CIMAP3: variants seen among roughly 807,000 people sequenced by gnomAD.
CIMAP3 encodes ciliary microtubule-associated protein 3.
At chr1:111,324,897 T>A in the CIMAP3 span, 8 of 980,472 alleles carry the variant, frequency 8.2e-6, no homozygotes, top group Non-Finnish European at 9.7e-6. Flanking sequence ...ATGGTAATCA[T>A]GTTCTTGGAC....
chr1:111,348,526 C>T, the CIMAP3 span: 3 of 1,603,582 alleles, frequency 1.9e-6, no homozygotes, highest in Non-Finnish European at 2.5e-6. Context: ...GAAATGACAC[C>T]TCATGCAGGC....
chr1:111,335,977 C>T, the CIMAP3 span, among the ~76,000 whole-genome samples: 1,942 of 152,320 alleles, frequency 0.013, 31 homozygotes, highest in African/African-American at 0.044. Context: ...GACACTTACA[C>T]GGCCGGGTAC....
At chr1:111,333,616 A>G in the CIMAP3 span, among the ~76,000 whole-genome samples, 1 of 152,152 alleles carries the variant, frequency 6.6e-6, no homozygotes, top group Non-Finnish European at 1.5e-5. Flanking sequence ...TCCCCACAAT[A>G]GGAAGTCCCT....
chr1:111,329,912 G>T, the CIMAP3 span, among the ~76,000 whole-genome samples: 1 of 151,626 alleles, frequency 6.6e-6, no homozygotes, highest in Middle Eastern at 3.4e-3. Flanking sequence ...CTTTATTTTT[G>T]TCTGACTGTC....
chr1:111,348,493 AATG>A, the CIMAP3 span: 1 of 1,582,360 alleles, frequency 6.3e-7, no homozygotes, highest in Non-Finnish European at 8.6e-7. Context: ...TCTGTAACAT[AATG>A]ATCTTTTTCT....
chr1:111,326,918 G>A, the CIMAP3 span, among the ~76,000 whole-genome samples: 1 of 151,960 alleles, frequency 6.6e-6, no homozygotes, highest in African/African-American at 2.4e-5. Flanking sequence ...CATGCCTTTT[G>A]TCCAATTTTT....
At chr1:111,326,329 A>T in the CIMAP3 span, among the ~76,000 whole-genome samples, 3 of 152,084 alleles carry the variant, frequency 2.0e-5, no homozygotes, top group African/African-American at 7.2e-5. Flanking sequence ...AGCCTCTAGT[A>T]TCTACCATTC....
the CIMAP3 span, chr1:111,351,468 G>C: frequency 1.6e-6 from 1 of 624,110 alleles, no homozygotes; most frequent in Non-Finnish European, 2.7e-6. Flanking sequence ...GCTTATAGCT[G>C]CTGTATGAGA....
chr1:111,329,554 T>TATATATAC, the CIMAP3 span, among the ~76,000 whole-genome samples: 1 of 117,374 alleles, frequency 8.5e-6, no homozygotes, highest in East Asian at 2.3e-4. Context: ...TATATATATA[T>TATATATAC]ATATAATTTT....
chr1:111,325,997 A>G, the CIMAP3 span, among the ~76,000 whole-genome samples: 1 of 152,176 alleles, frequency 6.6e-6, no homozygotes, highest in African/African-American at 2.4e-5. Context: ...TGAAAAGAGG[A>G]AGAGAGTGTA....
chr1:111,350,654 T>C, the CIMAP3 span, among the ~76,000 whole-genome samples: 13 of 152,194 alleles, frequency 8.5e-5, no homozygotes, highest in Non-Finnish European at 1.3e-4. Flanking sequence ...GCATGGATTA[T>C]GGGGACAAAA....
the CIMAP3 span, among the ~76,000 whole-genome samples, chr1:111,348,000 A>C: frequency 6.6e-6 from 1 of 152,232 alleles, no homozygotes; most frequent in East Asian, 1.9e-4. Context: ...TTTACTGAAG[A>C]AATGGTCCCA....
the CIMAP3 span, chr1:111,347,916 G>A: frequency 3.3e-6 from 2 of 613,240 alleles, no homozygotes; most frequent in Non-Finnish European, 5.8e-6. Context: ...AAGCTATTAA[G>A]AAGCCTATCT....
chr1:111,332,165 T>C, the CIMAP3 span, among the ~76,000 whole-genome samples: 1 of 152,214 alleles, frequency 6.6e-6, no homozygotes, highest in Non-Finnish European at 1.5e-5. Flanking sequence ...GCTAGTAGAA[T>C]GGGCATGTGG....
chr1:111,351,115 A>C, the CIMAP3 span: 1 of 693,826 alleles, frequency 1.4e-6, no homozygotes, highest in Non-Finnish European at 2.4e-6. Context: ...TTTTGGGAGA[A>C]TCACTAAGGC....
At chr1:111,346,207 A>G in the CIMAP3 span, 1 of 157,208 alleles carries the variant, frequency 6.4e-6, no homozygotes, top group South Asian at 1.9e-4. Flanking sequence ...TGTCAGCTCA[A>G]CTCCGCCCCC....
the CIMAP3 span, chr1:111,352,169 G>A: frequency 6.6e-6 from 1 of 152,366 alleles, no homozygotes; most frequent in East Asian, 1.9e-4. Flanking sequence ...AGACACTCAG[G>A]CCTGAGAGAT....
At chr1:111,346,033 A>C in the CIMAP3 span, among the ~76,000 whole-genome samples, 1 of 151,900 alleles carries the variant, frequency 6.6e-6, no homozygotes, top group Non-Finnish European at 1.5e-5. Flanking sequence ...AAACTATTAG[A>C]GTCTTCTCTG....
At chr1:111,335,132 A>G in the CIMAP3 span, among the ~76,000 whole-genome samples, 1 of 135,046 alleles carries the variant, frequency 7.4e-6, no homozygotes, top group Non-Finnish European at 1.6e-5. Context: ...TGTCTCAAAA[A>G]AAAAAAAAAA....
Sources: allele counts gnomAD v4.1 joint callset (sites outside exome capture counted in the v4.1 genomes callset), GRCh38; gene constraint gnomAD v4.1.1; transcripts MANE v1.5; gene names NCBI Gene and HGNC (gene_info 2026-07-23, HGNC 2026-07-21).